SMPDL3B: variants seen among roughly 807,000 people sequenced by gnomAD.
SMPDL3B encodes the protein acid sphingomyelinase-like phosphodiesterase 3b.
A neutral mutation model predicts 37.9 loss-of-function variants in SMPDL3B; 31 were observed. The ratio of observed to expected loss-of-function variants is 0.82; its 90% CI spans 0.61 to 1.10. SMPDL3B has a LOEUF of 1.10. Among genes scored for constraint, SMPDL3B ranks in the 50% least tolerant of loss-of-function variants. The pLI is 0.00. For synonymous variants in SMPDL3B, 235 were observed against 242.6 expected, an observed-to-expected ratio of 0.97 and a Z score of 0.29; for missense variants, 525 against 597.8, an observed-to-expected ratio of 0.88 and a Z score of 1.27.
rs1263298685 is a variant in SMPDL3B, at chr1:27,958,862, G to A, written c.*24G>A. ...GACCTGCCAGGCTCACCTTCTTCCT[G>A]GTAACGGGTAACGGGGGCAGCGCCC... On this transcript the variant is annotated 3_prime_UTR_variant, in exon 8 of 8. Coordinates refer to ENST00000373894, the MANE Select transcript of SMPDL3B (RefSeq NM_014474.4). The surrounding 1 kb of genome is among the most constrained non-coding windows in gnomAD (Gnocchi z 5.6). The A allele has an allele frequency of 1.3e-6, 2 of 1,531,396 alleles. No individual in the cohort carries two copies. The highest frequency in any genetic ancestry group is 1.8e-6 in the Non-Finnish European group (2 of 1,135,550). The allele number at this position is 1,531,396 out of a possible 1,614,324, so 94.9% of individuals were successfully genotyped here.
At chr1:27,944,028 A>G (rs919087518) in intron 1 of SMPDL3B, among the ~76,000 whole-genome samples, 9 of 151,718 alleles carry the variant, frequency 5.9e-5, no homozygotes, top group East Asian at 1.9e-4. Flanking sequence ...AAAAAAAAAA[A>G]AAAAGAAACT....
intron 1 of SMPDL3B, among the ~76,000 whole-genome samples, chr1:27,942,899 C>T (rs2090373074): frequency 6.6e-6 from 1 of 151,768 alleles, no homozygotes; most frequent in Admixed American, 6.6e-5. Flanking sequence ...TGGCCTCAAG[C>T]AATCTTCCTG....
chr1:27,956,522 AT>A, intron 7 of SMPDL3B: 1 of 1,081,918 alleles, frequency 9.2e-7, no homozygotes, highest in Non-Finnish European at 1.1e-6. Flanking sequence ...CATTGTCCAC[AT>A]TTTCCGTACA....
intron 1 of SMPDL3B, among the ~76,000 whole-genome samples, chr1:27,938,031 C>T (rs1318405759): frequency 2.0e-5 from 3 of 152,180 alleles, no homozygotes; most frequent in African/African-American, 4.8e-5. Flanking sequence ...CCTTAATCTC[C>T]AGGCAATTAA....
chr1:27,941,080 A>G (rs1431670684), intron 1 of SMPDL3B, among the ~76,000 whole-genome samples: 1 of 152,000 alleles, frequency 6.6e-6, no homozygotes, highest in Non-Finnish European at 1.5e-5. Context: ...CAGATCTCCC[A>G]CCTCCCCATC....
intron 3 of SMPDL3B, among the ~76,000 whole-genome samples, chr1:27,951,373 G>C (rs2090454271): frequency 6.6e-6 from 1 of 152,130 alleles, no homozygotes; most frequent in Non-Finnish European, 1.5e-5. Flanking sequence ...CTGAAGTACA[G>C]AGAGGTCGAG....
At chr1:27,943,722 G>A (rs777378727) in intron 1 of SMPDL3B, among the ~76,000 whole-genome samples, 1 of 152,176 alleles carries the variant, frequency 6.6e-6, no homozygotes, top group Non-Finnish European at 1.5e-5. Flanking sequence ...GTGCTGGCCA[G>A]GTGCGGTGGC....
intron 3 of SMPDL3B, among the ~76,000 whole-genome samples, chr1:27,952,161 A>G (rs941875975): frequency 5.3e-5 from 7 of 131,762 alleles, no homozygotes; most frequent in Non-Finnish European, 1.2e-4. Flanking sequence ...CTCCCTTCTC[A>G]TAGGGATTTT....
chr1:27,955,652 G>T, intron 5 of SMPDL3B, 32 bp from the exon 6 acceptor site: 1 of 1,597,368 alleles, frequency 6.3e-7, no homozygotes, highest in Non-Finnish European at 8.6e-7. Context: ...GAGGGCATCT[G>T]TGAGCCTCTT....
At chr1:27,944,268 C>T (rs1206443214) in intron 1 of SMPDL3B, among the ~76,000 whole-genome samples, 1 of 152,140 alleles carries the variant, frequency 6.6e-6, no homozygotes, top group Non-Finnish European at 1.5e-5. Context: ...CAGAGGAGGT[C>T]AGCCCGATCT....
chr1:27,936,447 A>G (rs2090308601), intron 1 of SMPDL3B: 1 of 151,132 alleles, frequency 6.6e-6, no homozygotes. Flanking sequence ...GAATGAGACC[A>G]TCTCAAAAAA....
chr1:27,956,001 C>T lies in SMPDL3B; in HGVS notation c.924C>T (p.Thr308=). 1.2e-6 allele frequency: 2 copies of T among 1,614,106 alleles called. No individual in the cohort carries two copies. Among genetic ancestry groups the T allele is most frequent in the Non-Finnish European group, 1.7e-6 (2 of 1,180,012 alleles). ...CACCTGGAGTCACCCCATGGAAAAC[C>T]ACATTACCTGGAGTGGTCAATGGGG... ...FITPGVTPWK[T]TLPGVVNGAN... is the part of the protein sequence containing the mutation. The change falls in exon 7 of 8, where the codon ACC becomes ACT. Residue 308 remains threonine (T), a synonymous_variant. Transcript: ENST00000373894.
intron 1 of SMPDL3B, among the ~76,000 whole-genome samples, chr1:27,944,977 C>A (rs2090393866): frequency 6.6e-6 from 1 of 152,176 alleles, no homozygotes; most frequent in South Asian, 2.1e-4. Context: ...GGCTGCCCAT[C>A]CAATGTGGGG....
chr1:27,947,055 A>ATTTC (rs2090414987), intron 2 of SMPDL3B, among the ~76,000 whole-genome samples: 1 of 99,888 alleles, frequency 1.0e-5, no homozygotes. Context: ...TTTTTTTTTG[A>ATTTC]GATGGAGTTT....
In SMPDL3B at chr1:27,949,538, C is replaced by T. The variant is rs143922920; in HGVS notation, c.373+376C>T. Among the ~76,000 whole-genome samples the T allele has an allele frequency of 1.7e-3, 257 of 152,282 alleles. 1 individual carries two copies. Among genetic ancestry groups the T allele is most frequent in the African/African-American group, 3.6e-3 (151 of 41,548 alleles). On this transcript the variant is annotated intron_variant, in intron 3 of 7. Transcript: ENST00000373894. The stretch of plus-strand genomic sequence containing the variant: ...CTCTGGAGTTGGCATCCATCACCCT[C>T]AAACTGTCCTGGCTGCCAGGGCCTC...
intron 1 of SMPDL3B, among the ~76,000 whole-genome samples, chr1:27,942,099 C>T (rs1182329883): frequency 6.6e-6 from 1 of 152,182 alleles, no homozygotes; most frequent in East Asian, 1.9e-4. Flanking sequence ...AGTTTCAGTT[C>T]TACACACTGG....
In SMPDL3B at chr1:27,955,337, C is replaced by T. The variant is rs75443844; in HGVS notation, c.691-347C>T. Among the ~76,000 whole-genome samples the T allele has an allele frequency of 9.1e-3, 1,389 of 152,310 alleles. 12 individuals carry two copies. The highest frequency in any genetic ancestry group is 0.014 in the Non-Finnish European group (985 of 68,026). Reference sequence around the variant, plus strand: ...TACCGTGTAGCATATCACACAACCACGCAAGAATGGTTTCGTTGCAGTGTT... The same window carrying T: ...TACCGTGTAGCATATCACACAACCATGCAAGAATGGTTTCGTTGCAGTGTT... On this transcript the variant is annotated intron_variant, in intron 5 of 7. Transcript: ENST00000373894.
intron 3 of SMPDL3B, among the ~76,000 whole-genome samples, chr1:27,950,091 A>G (rs1191209128): frequency 1.3e-5 from 2 of 152,144 alleles, no homozygotes; most frequent in South Asian, 2.1e-4. Context: ...TGAAGGTCAC[A>G]TTTACTTAAG....
rs747013997 is a variant in SMPDL3B at position 27,958,870 on chromosome 1, G to A, written c.*32G>A. The A allele has an allele frequency of 5.9e-6, 9 of 1,528,374 alleles. No individual in the cohort carries two copies. The highest frequency in any genetic ancestry group is 7.1e-6 in the Non-Finnish European group (8 of 1,134,190). 94.7% of individuals were successfully genotyped at this position (1,528,374 alleles called of 1,614,324 possible). A position where few individuals can be genotyped will look rare whatever the true frequency, so the allele number is the denominator to read the frequency against. On this transcript the variant is annotated 3_prime_UTR_variant, in exon 8 of 8. Coordinates refer to ENST00000373894, the MANE Select transcript of SMPDL3B (RefSeq NM_014474.4). This position sits in a 1 kb window ranked among gnomAD's most constrained non-coding sequence, Gnocchi z 5.6. ...AGGCTCACCTTCTTCCTGGTAACGG[G>A]TAACGGGGGCAGCGCCCAGGATCAC...
Sources: gnomAD v4.1 joint callset for allele counts (sites outside exome capture counted in the v4.1 genomes callset) on GRCh38, gnomAD v4.1.1 for gene constraint, Gnocchi (gnomAD v3.1) non-coding constraint, MANE v1.5 for transcripts, NCBI Gene and HGNC (gene_info 2026-07-23, HGNC 2026-07-21) for gene names.